ENTREP2: variants seen among roughly 807,000 people sequenced by gnomAD.
The protein encoded by ENTREP2 is endosomal transmembrane epsin interactor 2, also known as protein ENTREP2.
At chr15:29,586,692 T>C in the ENTREP2 span, among the ~76,000 whole-genome samples, 12 of 149,198 alleles carry the variant, frequency 8.0e-5, no homozygotes, top group South Asian at 1.1e-3. Context: ...GAGGTTGCAA[T>C]GAGCCAAGAT....
the ENTREP2 span, among the ~76,000 whole-genome samples, chr15:29,547,953 C>T: frequency 1.3e-5 from 2 of 152,052 alleles, no homozygotes; most frequent in African/African-American, 2.4e-5. Context: ...CTTGATGAGG[C>T]TAAGTGAAAT....
At chr15:29,632,273 T>C in the ENTREP2 span, among the ~76,000 whole-genome samples, 3 of 152,154 alleles carry the variant, frequency 2.0e-5, no homozygotes, top group Non-Finnish European at 4.4e-5. Flanking sequence ...ATCCATTAAA[T>C]TATTTCCAGG....
the ENTREP2 span, among the ~76,000 whole-genome samples, chr15:29,161,392 C>A: frequency 6.6e-6 from 1 of 152,212 alleles, no homozygotes; most frequent in Non-Finnish European, 1.5e-5. Flanking sequence ...GGGGAACTGA[C>A]ACACACTAGC....
chr15:29,181,113 A>T, the ENTREP2 span, among the ~76,000 whole-genome samples: 1 of 152,190 alleles, frequency 6.6e-6, no homozygotes, highest in South Asian at 2.1e-4. Context: ...ATTAAAAATT[A>T]AAAAAGACAT....
chr15:29,516,729 T>C, the ENTREP2 span, among the ~76,000 whole-genome samples: 1 of 152,134 alleles, frequency 6.6e-6, no homozygotes, highest in Non-Finnish European at 1.5e-5. Flanking sequence ...AACACAAGTG[T>C]GTTGTCATAT....
the ENTREP2 span, among the ~76,000 whole-genome samples, chr15:29,647,061 C>T: frequency 6.6e-6 from 1 of 152,180 alleles, no homozygotes; most frequent in African/African-American, 2.4e-5. Context: ...TATTAAGTGC[C>T]CACCTGCAAG....
chr15:29,385,102 G>A, the ENTREP2 span, among the ~76,000 whole-genome samples: 1 of 152,082 alleles, frequency 6.6e-6, no homozygotes, highest in East Asian at 1.9e-4. Flanking sequence ...AGTCCTGCAG[G>A]CATCTTTAAT....
chr15:29,570,040 C>T, the ENTREP2 span: 4 of 116,934 alleles, frequency 3.4e-5, no homozygotes, highest in Non-Finnish European at 6.8e-5. Flanking sequence ...CCTCCCCCGC[C>T]CCCCCACCCC....
the ENTREP2 span, among the ~76,000 whole-genome samples, chr15:29,493,387 C>A: frequency 6.6e-6 from 1 of 151,638 alleles, no homozygotes; most frequent in Non-Finnish European, 1.5e-5. Context: ...CCCGCCTCGG[C>A]CTCCCAAAGT....
the ENTREP2 span, among the ~76,000 whole-genome samples, chr15:29,458,454 A>G: frequency 5.5e-4 from 83 of 152,144 alleles, no homozygotes; most frequent in Non-Finnish European, 1.1e-3. Flanking sequence ...TCGCAGAGCC[A>G]CGGGCACGGT....
At chr15:29,239,349 G>A in the ENTREP2 span, among the ~76,000 whole-genome samples, 7 of 152,062 alleles carry the variant, frequency 4.6e-5, no homozygotes, top group East Asian at 1.9e-4. Flanking sequence ...CAGAAACCAC[G>A]CATCATACTT....
At chr15:29,455,628 C>T in the ENTREP2 span, among the ~76,000 whole-genome samples, 1 of 152,228 alleles carries the variant, frequency 6.6e-6, no homozygotes, top group Admixed American at 6.5e-5. Flanking sequence ...CTTGTTTTCA[C>T]ATATTAGAAT....
the ENTREP2 span, among the ~76,000 whole-genome samples, chr15:29,555,969 T>C: frequency 5.3e-5 from 8 of 152,196 alleles, no homozygotes; most frequent in Admixed American, 4.6e-4. Flanking sequence ...GAAGGGGAAT[T>C]CCTGGCCAGG....
the ENTREP2 span, among the ~76,000 whole-genome samples, chr15:29,332,421 A>G: frequency 3.3e-5 from 5 of 152,122 alleles, no homozygotes; most frequent in African/African-American, 1.2e-4. Flanking sequence ...TGATTATTGA[A>G]TATTTTCAAA....
chr15:29,300,984 T>G, the ENTREP2 span, among the ~76,000 whole-genome samples: 4 of 152,218 alleles, frequency 2.6e-5, no homozygotes, highest in African/African-American at 9.6e-5. Context: ...ATCATCAGTG[T>G]TTTCTGAAAG....
the ENTREP2 span, among the ~76,000 whole-genome samples, chr15:29,198,728 C>T: frequency 2.6e-5 from 4 of 152,244 alleles, no homozygotes; most frequent in Admixed American, 2.6e-4. Context: ...TCATTCCTCC[C>T]ACTTGCTGCA....
chr15:29,614,885 C>T, the ENTREP2 span, among the ~76,000 whole-genome samples: 4 of 152,008 alleles, frequency 2.6e-5, no homozygotes, highest in South Asian at 6.2e-4. Flanking sequence ...AGCAAGACCA[C>T]GTCTCTATTT....
chr15:29,422,342 A>C, the ENTREP2 span, among the ~76,000 whole-genome samples: 4 of 152,168 alleles, frequency 2.6e-5, no homozygotes, highest in South Asian at 8.3e-4. Flanking sequence ...TGAGCAGGTT[A>C]TCTCTCACCC....
At chr15:29,220,950 G>C in the ENTREP2 span, among the ~76,000 whole-genome samples, 21 of 152,192 alleles carry the variant, frequency 1.4e-4, no homozygotes, top group African/African-American at 4.8e-4. Context: ...TGAAATAGTA[G>C]ATCTGAGTCA....
Sources: gnomAD v4.1 joint callset for allele counts (sites outside exome capture counted in the v4.1 genomes callset) on GRCh38, gnomAD v4.1.1 for gene constraint, MANE v1.5 for transcripts, NCBI Gene and HGNC (gene_info 2026-07-23, HGNC 2026-07-21) for gene names.